Variants in AHRR observed in about 807,000 individuals in gnomAD.
AHRR encodes aryl hydrocarbon receptor repressor.
Under a neutral mutation model 44.0 loss-of-function variants are expected in AHRR, and 28 were observed. The observed-to-expected ratio is 0.64, with a 90% CI of 0.47 to 0.87. The LOEUF (loss-of-function observed/expected upper bound fraction) is 0.87. Among genes scored for constraint, AHRR ranks in the 40% least tolerant of loss-of-function variants. AHRR has a pLI of 0.00. For synonymous variants in AHRR, 434 were observed against 407.0 expected (o/e 1.07, Z -0.80); for missense variants, 990 against 953.9 (o/e 1.04, Z -0.50).
intron 5 of AHRR, among the ~76,000 whole-genome samples, chr5:414,952 G>A (rs553586252): frequency 1.3e-5 from 2 of 152,388 alleles, no homozygotes; most frequent in Non-Finnish European, 2.9e-5. Flanking sequence ...CAGAGGGGCA[G>A]CAGTGCCCAC....
At chr5:343,872 G>A (rs978847106) in intron 1 of AHRR, 21 bp from the exon 2 acceptor site, 1 of 1,589,456 alleles carries the variant, frequency 6.3e-7, no homozygotes, top group Non-Finnish European at 8.5e-7. Flanking sequence ...TCCGGTGACC[G>A]GGTGCCCCCT....
intron 1 of AHRR, among the ~76,000 whole-genome samples, chr5:334,281 A>T (rs543435049): frequency 6.6e-6 from 1 of 152,182 alleles, no homozygotes; most frequent in South Asian, 2.1e-4. Flanking sequence ...GCAGGTTTTC[A>T]TATATTCCTT....
Position 353,874 on chromosome 5 carries a change from C to T in AHRR, c.207C>T (p.Leu69=), listed in dbSNP as rs1742950016. 1 of 1,614,102 alleles carries T rather than the reference C, an allele frequency of 6.2e-7. No individual in the cohort carries two copies. Among genetic ancestry groups the T allele is most frequent in the Non-Finnish European group, 8.5e-7 (1 of 1,179,976 alleles). Residue 69 remains leucine (L), a synonymous_variant, in exon 3 of 11, where the codon CTC becomes CTT. Transcript: ENST00000684583. The part of the protein sequence containing the change: ...SKLDKLSVLR[L]SVSYLRVKSF... ...TGGACAAGCTTTCTGTCCTGCGCCT[C>T]AGTGTCAGTTACCTCCGGGTGAAGA...
rs1354135342 is a variant in AHRR at position 395,602 on chromosome 5, C to T, written c.352-17742C>T. On this transcript the variant is annotated intron_variant, in intron 4 of 10. Coordinates refer to ENST00000684583, the MANE Select transcript of AHRR (RefSeq NM_001377236.1). This position sits in a 1 kb window ranked among gnomAD's most constrained non-coding sequence, Gnocchi z 5.3. ...AAAAACAGCTGTGAGAACAGCCTTG[C>T]GTGTCTGGAAGCCCCAAGCCGCTCG... Among the ~76,000 whole-genome samples the T allele has an allele frequency of 1.3e-5, 2 of 152,240 alleles. No individual in the cohort carries two copies. Among genetic ancestry groups the T allele is most frequent in the Admixed American group, 6.5e-5 (1 of 15,288 alleles).
chr5:380,866 C>T (rs1733953861), intron 4 of AHRR, among the ~76,000 whole-genome samples: 1 of 152,174 alleles, frequency 6.6e-6, no homozygotes, highest in Admixed American at 6.5e-5. Flanking sequence ...AGGCTGTCTG[C>T]AAGCTGGAGA....
chr5:423,043 T>C (rs771629961), intron 6 of AHRR, among the ~76,000 whole-genome samples, 185 bp downstream of exon 6: 39 of 152,212 alleles, frequency 2.6e-4, no homozygotes, highest in Admixed American at 6.5e-5. Flanking sequence ...CTGATTCGGC[T>C]GCCACAGCTC....
chr5:422,268 G>C, intron 5 of AHRR: 1 of 242,116 alleles, frequency 4.1e-6, no homozygotes, highest in Non-Finnish European at 8.2e-6. Flanking sequence ...GAGAGGACTA[G>C]AGAGAGGCCT....
intron 2 of AHRR, among the ~76,000 whole-genome samples, chr5:348,477 C>T (rs1470353134): frequency 6.6e-6 from 1 of 152,280 alleles, no homozygotes; most frequent in Non-Finnish European, 1.5e-5. Context: ...CGAGAGGAAG[C>T]GTTTCTATCA....
In AHRR at chr5:419,143, G is replaced by A. The variant is rs1735958339; in HGVS notation, c.442-3586G>A. ...CTGTGGTCGTTGGGGCTGAGGGCAA[G>A]AATCTATTTTTTAAAAGGAATGGGA... is the stretch of plus-strand genomic sequence containing the variant. On this transcript the variant is annotated intron_variant, in intron 5 of 10. Transcript: ENST00000684583. This position sits in a 1 kb window ranked among gnomAD's most constrained non-coding sequence, Gnocchi z 4.4. 6.7e-6 allele frequency: 1 copy of A among 148,716 alleles called. No homozygotes were observed. Among genetic ancestry groups the A allele is most frequent in the African/African-American group, 2.5e-5 (1 of 39,894 alleles). The allele number at this position is 148,716 out of a possible 1,614,324, so 9.2% of individuals were successfully genotyped here. A position where few individuals can be genotyped will look rare whatever the true frequency, so the allele number is the denominator to read the frequency against.
intron 4 of AHRR, among the ~76,000 whole-genome samples, chr5:393,636 T>G (rs59103044): frequency 7.5e-5 from 11 of 146,908 alleles, no homozygotes; most frequent in African/African-American, 3.0e-4. Context: ...GTTTTATTTG[T>G]TTTCTTTGGT....
chr5:413,813 T>C (rs556925731), intron 5 of AHRR, among the ~76,000 whole-genome samples: 66 of 152,320 alleles, frequency 4.3e-4, no homozygotes, highest in Admixed American at 1.5e-3. Flanking sequence ...CACAGCTTGT[T>C]GTGGAAATGC....
At chr5:376,559 T>TGAACGAATGAGAACCGTGGGGTGAACGC in intron 3 of AHRR, 51 bp from the exon 4 acceptor site, 1 of 241,106 alleles carries the variant, frequency 4.1e-6, no homozygotes, top group Non-Finnish European at 7.4e-6. Context: ...TGAAGAAGAG[T>TGAACGAATGAGAACCGTGGGGTGAACGC]GGCCAGGCCA....
intron 4 of AHRR, among the ~76,000 whole-genome samples, chr5:380,469 A>G (rs968689713): frequency 4.6e-5 from 7 of 152,170 alleles, no homozygotes; most frequent in African/African-American, 1.7e-4. Flanking sequence ...TGAACATGGT[A>G]TGTGTCTCTA....
intron 3 of AHRR, among the ~76,000 whole-genome samples, chr5:360,341 A>G (rs1743133783): frequency 6.6e-6 from 1 of 152,234 alleles, no homozygotes; most frequent in Non-Finnish European, 1.5e-5. Context: ...AAATGTGGGA[A>G]AGCCCATTCC....
chr5:427,461 T>C (rs1443132247), intron 7 of AHRR, among the ~76,000 whole-genome samples: 2 of 152,194 alleles, frequency 1.3e-5, no homozygotes, highest in Non-Finnish European at 2.9e-5. Flanking sequence ...CTGGCCCGGC[T>C]GTGGGCAGGT....
chr5:404,959 C>T lies in AHRR; in HGVS notation c.352-8385C>T, dbSNP rs1048615121. Reference sequence around the variant, plus strand: ...CTCCCCGCGGGGTCCATTTCATGTCCTGCTGATTAATCCAGCTACTGAGAG... The same window carrying T: ...CTCCCCGCGGGGTCCATTTCATGTCTTGCTGATTAATCCAGCTACTGAGAG... On this transcript the variant is annotated intron_variant, in intron 4 of 10. Coordinates refer to ENST00000684583, the MANE Select transcript of AHRR (RefSeq NM_001377236.1). The surrounding 1 kb of genome is among the most constrained non-coding windows in gnomAD (Gnocchi z 4.1). Among the ~76,000 whole-genome samples, 1 of 152,136 alleles carries T rather than the reference C, an allele frequency of 6.6e-6. No homozygotes were observed. Among genetic ancestry groups the T allele is most frequent in the Non-Finnish European group, 1.5e-5 (1 of 68,030 alleles).
At chr5:368,967 G>GC (rs150541205) in intron 3 of AHRR, among the ~76,000 whole-genome samples, 1 of 152,150 alleles carries the variant, frequency 6.6e-6, no homozygotes, top group Admixed American at 6.5e-5. Flanking sequence ...GTCTTGGGGT[G>GC]CCCCCCGTTT....
At position 387,121 on chromosome 5, in the gene AHRR, C is replaced by T. The variant is rs915664551; in HGVS notation, c.351+10405C>T. 1.1e-4 allele frequency among the ~76,000 whole-genome samples: 17 copies of T among 152,220 alleles called. No homozygotes were observed. The highest frequency in any genetic ancestry group is 2.9e-4 in the African/African-American group (12 of 41,450). ...CCTTGGGGCCTTGGGCACAGGTTCA[C>T]GTCAGTGCAGCTCAAAGTGCTTTAC... On this transcript the variant is annotated intron_variant, in intron 4 of 10. Transcript: ENST00000684583. The surrounding 1 kb of genome is among the most constrained non-coding windows in gnomAD (Gnocchi z 5.1).
At chr5:416,802 C>T (rs7729446) in intron 5 of AHRR, among the ~76,000 whole-genome samples, 3,265 of 152,308 alleles carry the variant, frequency 0.021, 70 homozygotes, top group Admixed American at 0.052. Context: ...GCGGACATGA[C>T]GGTGTGGCTC....
Sources: gnomAD v4.1 joint callset for allele counts (sites outside exome capture counted in the v4.1 genomes callset) on GRCh38, gnomAD v4.1.1 for gene constraint, Gnocchi (gnomAD v3.1) non-coding constraint, MANE v1.5 for transcripts, NCBI Gene and HGNC (gene_info 2026-07-23, HGNC 2026-07-21) for gene names.